Variants in VPS35L observed in about 807,000 individuals in gnomAD.
VPS35L encodes VPS35 endosomal protein sorting factor like, also known as VPS35 endosomal protein-sorting factor-like.
Under a neutral mutation model 133.0 loss-of-function variants are expected in VPS35L, and 83 were observed. The ratio of observed to expected loss-of-function variants is 0.62; its 90% CI spans 0.52 to 0.75. VPS35L has a LOEUF of 0.75. Ranked by LOEUF, VPS35L falls within the 30% of genes least tolerant of loss-of-function variation. The probability of loss-of-function intolerance (pLI) is 0.00; values close to 1 mark genes in which losing one functional copy is unlikely to be tolerated. For missense variants in VPS35L, 1,083 were observed against 1,206.8 expected (o/e 0.90, Z 1.52); for synonymous variants, 423 against 449.9 (o/e 0.94, Z 0.76).
At chr16:19,591,696 T>G (rs921076777) in intron 7 of VPS35L, 94 bp from the exon 8 acceptor site, 2 of 920,778 alleles carry the variant, frequency 2.2e-6, no homozygotes, top group Admixed American at 4.1e-5. Context: ...GTATCTCAAC[T>G]TGTATATAGA....
chr16:19,666,507 G>A (rs191095778), intron 26 of VPS35L, among the ~76,000 whole-genome samples: 1 of 152,208 alleles, frequency 6.6e-6, no homozygotes, highest in African/African-American at 2.4e-5. Context: ...AGTCTTCTGA[G>A]GATAGAACTA....
At chr16:19,617,012 G>A in intron 14 of VPS35L, 2 of 765,518 alleles carry the variant, frequency 2.6e-6, no homozygotes, top group Non-Finnish European at 4.4e-6. Context: ...AGCTGTGGAA[G>A]GGGAATGTGG....
intron 12 of VPS35L, among the ~76,000 whole-genome samples, chr16:19,615,826 G>C (rs905719246): frequency 6.6e-6 from 1 of 151,744 alleles, no homozygotes; most frequent in African/African-American, 2.4e-5. Context: ...AATCAGCCAG[G>C]CCTGGTGACA....
At chr16:19,693,047 G>C (rs1450760683) in intron 29 of VPS35L, among the ~76,000 whole-genome samples, 1 of 152,228 alleles carries the variant, frequency 6.6e-6, no homozygotes, top group Non-Finnish European at 1.5e-5. Context: ...AGCACCTTCT[G>C]TAGGGAGGGA....
intron 7 of VPS35L, among the ~76,000 whole-genome samples, chr16:19,589,090 C>T (rs1047621674): frequency 2.6e-5 from 4 of 151,982 alleles, no homozygotes; most frequent in Admixed American, 2.6e-4. Context: ...ATGACCTTTG[C>T]TGATTTCTTT....
intron 28 of VPS35L, among the ~76,000 whole-genome samples, chr16:19,690,059 T>G (rs1184268667): frequency 6.6e-6 from 1 of 152,038 alleles, no homozygotes; most frequent in Non-Finnish European, 1.5e-5. Context: ...ACTACAGGCG[T>G]GAGCTACCAA....
At chr16:19,629,745 A>T (rs1973384425) in intron 17 of VPS35L, 22 bp from the exon 18 acceptor site, 2 of 1,609,058 alleles carry the variant, frequency 1.2e-6, no homozygotes, top group Non-Finnish European at 1.7e-6. Flanking sequence ...TAATGTTAAG[A>T]TGTTTTCCTT....
At position 19,608,280 on chromosome 16, in the gene VPS35L, CTTTTT is replaced by C; in HGVS notation, c.881+16_881+20del. ...AGGGAACTCATTCCAAGATTGTATC[CTTTTT>C]TTTTTTTTTGGTCTGATGATTTTAA... On this transcript the variant is annotated splice_region_variant and intron_variant, in intron 10 of 30. Transcript: ENST00000417362. 7 of 1,386,566 alleles carry C rather than the reference CTTTTT, an allele frequency of 5.0e-6. No homozygotes were observed. Among genetic ancestry groups the C allele is most frequent in the Non-Finnish European group, 7.0e-6 (7 of 999,262 alleles). 85.9% of individuals were successfully genotyped at this position (1,386,566 alleles called of 1,614,324 possible).
chr16:19,674,681 A>G (rs1187478890), intron 27 of VPS35L, among the ~76,000 whole-genome samples: 4 of 152,200 alleles, frequency 2.6e-5, no homozygotes, highest in Non-Finnish European at 5.9e-5. Flanking sequence ...GAGCTTATTC[A>G]TAACTGAAAC....
intron 29 of VPS35L, among the ~76,000 whole-genome samples, chr16:19,692,717 C>T (rs1597444407): frequency 6.6e-6 from 1 of 152,112 alleles, no homozygotes; most frequent in East Asian, 1.9e-4. Flanking sequence ...TGCCCGCCAC[C>T]ACACCCGGCT....
chr16:19,693,641 G>A (rs1975784795), intron 29 of VPS35L, among the ~76,000 whole-genome samples: 1 of 152,082 alleles, frequency 6.6e-6, no homozygotes, highest in Non-Finnish European at 1.5e-5. Context: ...AAAATTAGTT[G>A]GGTGTGGTGG....
At chr16:19,675,440 G>A (rs1432742861) in intron 27 of VPS35L, among the ~76,000 whole-genome samples, 1 of 152,196 alleles carries the variant, frequency 6.6e-6, no homozygotes, top group Non-Finnish European at 1.5e-5. Context: ...GCATGGGAGT[G>A]TAGGTATCTC....
intron 26 of VPS35L, among the ~76,000 whole-genome samples, chr16:19,664,272 C>A: frequency 6.6e-6 from 1 of 152,092 alleles, no homozygotes; most frequent in East Asian, 1.9e-4. Flanking sequence ...ATTTTTCTTA[C>A]TATGAATACG....
Position 19,691,439 on chromosome 16 carries a change from C to G in VPS35L, c.2614C>G (p.Leu872Val), listed in dbSNP as rs764606900. Reference protein sequence around the residue: ...KLCETVMAQILEHLKTLAKDE... With the variant: ...KLCETVMAQIVEHLKTLAKDE... ...GTGTGAGACGGTGATGGCTCAGATC[C>G]TAGAGCATCTGAAAACCCTGGCCAA... is the stretch of plus-strand genomic sequence containing the variant. The change falls in exon 29 of 31, where the codon CTA (leucine) becomes GTA (valine). Residue 872 changes from leucine (L) to valine (V), a missense_variant. Transcript: ENST00000417362. The G allele has an allele frequency of 1.9e-6, 3 of 1,613,910 alleles. No homozygotes were observed. Among genetic ancestry groups the G allele is most frequent in the South Asian group, 2.2e-5 (2 of 91,070 alleles).
chr16:19,623,155 A>T (rs1567432105), intron 14 of VPS35L, among the ~76,000 whole-genome samples: 2 of 152,178 alleles, frequency 1.3e-5, no homozygotes, highest in South Asian at 4.1e-4. Context: ...GGGGAACGAG[A>T]GCCACTGTGA....
intron 13 of VPS35L, among the ~76,000 whole-genome samples, 161 bp from the exon 14 acceptor site, chr16:19,616,525 T>G (rs980986172): frequency 4.0e-5 from 6 of 150,460 alleles, no homozygotes; most frequent in African/African-American, 1.5e-4. Context: ...ACTTTCTGTG[T>G]TTTTTTTTGG....
intron 27 of VPS35L, among the ~76,000 whole-genome samples, chr16:19,672,733 T>C (rs145105558): frequency 0.021 from 3,215 of 152,270 alleles, 90 homozygotes; most frequent in African/African-American, 0.059. Context: ...GTCACTGTTT[T>C]CAGATCTCCA....
At chr16:19,610,507 A>G (rs1972682276) in intron 12 of VPS35L, 92 bp downstream of exon 12, 3 of 863,516 alleles carry the variant, frequency 3.5e-6, no homozygotes, top group Non-Finnish European at 5.3e-6. Flanking sequence ...CCACCCCGCA[A>G]GTCATTGAGA....
intron 27 of VPS35L, among the ~76,000 whole-genome samples, chr16:19,673,640 C>T (rs1286301086): frequency 6.6e-6 from 1 of 152,156 alleles, no homozygotes; most frequent in Non-Finnish European, 1.5e-5. Flanking sequence ...TGTAGCATTG[C>T]ATGTGTTTTA....
Sources: gnomAD v4.1 joint callset for allele counts (sites outside exome capture counted in the v4.1 genomes callset) on GRCh38, gnomAD v4.1.1 for gene constraint, MANE v1.5 for transcripts, NCBI Gene and HGNC (gene_info 2026-07-23, HGNC 2026-07-21) for gene names.